ERGIC1: variants seen among roughly 807,000 people sequenced by gnomAD.
ERGIC1 encodes endoplasmic reticulum-golgi intermediate compartment 1.
A neutral mutation model predicts 38.3 loss-of-function variants in ERGIC1; 19 were observed. The observed-to-expected ratio is 0.50, with a 90% CI of 0.35 to 0.73. The LOEUF (loss-of-function observed/expected upper bound fraction) is 0.73, where lower values mean the gene tolerates loss of function less well. ERGIC1 is among the 30% of genes least tolerant of loss of function. ERGIC1 has a pLI of 0.01. For missense variants in ERGIC1, 294 were observed against 389.2 expected, an observed-to-expected ratio of 0.76 and a Z score of 2.06; for synonymous variants, 124 against 157.6, an observed-to-expected ratio of 0.79 and a Z score of 1.60.
chr5:172,856,795 C>T (rs1192937144), intron 1 of ERGIC1, among the ~76,000 whole-genome samples: 1 of 152,198 alleles, frequency 6.6e-6, no homozygotes, highest in Admixed American at 6.5e-5. Flanking sequence ...GGAAGACAGA[C>T]TGTGGAGACC....
At chr5:172,942,312 T>G (rs947434969) in intron 9 of ERGIC1, among the ~76,000 whole-genome samples, 12 of 152,092 alleles carry the variant, frequency 7.9e-5, no homozygotes, top group Non-Finnish European at 1.2e-4. Context: ...GGCCCTGGGG[T>G]GGCAGGAGAG....
intron 1 of ERGIC1, among the ~76,000 whole-genome samples, chr5:172,864,618 G>A (rs868802189): frequency 6.6e-6 from 1 of 151,698 alleles, no homozygotes; most frequent in South Asian, 2.1e-4. Flanking sequence ...TATAGGGGCT[G>A]TCTTTTTTTT....
chr5:172,923,731 C>T (rs951589166), intron 5 of ERGIC1, among the ~76,000 whole-genome samples: 6 of 152,180 alleles, frequency 3.9e-5, no homozygotes, highest in Admixed American at 1.3e-4. Context: ...GCTTTGTGCC[C>T]GTCGCCCAGA....
chr5:172,838,768 C>A (rs1761090262), intron 1 of ERGIC1, among the ~76,000 whole-genome samples: 1 of 152,084 alleles, frequency 6.6e-6, no homozygotes, highest in African/African-American at 2.4e-5. Flanking sequence ...GGGAATGGGA[C>A]CCTGGTAGCC....
In ERGIC1 at chr5:172,914,856, C is replaced by T. The variant is rs1347770216; in HGVS notation, c.375+18C>T. ...TCAACAAGGTATGGAAGCCCTGCCT[C>T]AGCCCTTTCTACCTGCTCCCCTTTC... On this transcript the variant is annotated intron_variant, in intron 5 of 9. Coordinates refer to ENST00000393784, the MANE Select transcript of ERGIC1 (RefSeq NM_001031711.3). The T allele has an allele frequency of 1.9e-6, 3 of 1,614,068 alleles. No homozygotes were observed. In the South Asian group the frequency reaches 3.3e-5, roughly 18 times the overall value.
intron 1 of ERGIC1, among the ~76,000 whole-genome samples, chr5:172,847,983 G>A (rs1346609123): frequency 1.3e-5 from 2 of 152,238 alleles, no homozygotes; most frequent in South Asian, 2.1e-4. Flanking sequence ...AGCATCTGGT[G>A]CCTGGTGAAG....
At chr5:172,845,412 G>A (rs1398415594) in intron 1 of ERGIC1, among the ~76,000 whole-genome samples, 2 of 152,178 alleles carry the variant, frequency 1.3e-5, no homozygotes, top group African/African-American at 4.8e-5. Context: ...CAGCGGGCAG[G>A]GCTGGTCCTC....
At chr5:172,908,352 G>GGA (rs1491131088) in intron 3 of ERGIC1, among the ~76,000 whole-genome samples, 1 of 83,868 alleles carries the variant, frequency 1.2e-5, no homozygotes, top group Non-Finnish European at 2.4e-5. Flanking sequence ...GAGGGGGGGG[G>GGA]TGGATCATGA....
Position 172,888,993 on chromosome 5 carries a change from G to A in ERGIC1, c.82+233G>A, listed in dbSNP as rs113439518. Among the ~76,000 whole-genome samples the A allele has an allele frequency of 7.3e-3, 1,111 of 152,298 alleles. 10 individuals carry two copies. Among genetic ancestry groups the A allele is most frequent in the African/African-American group, 0.025 (1,026 of 41,564 alleles). ...AAGGACATGAAAGAAATTGTCAAGA[G>A]TAGCTGCCAGGCTGGGCGCGGTGGC... is the stretch of plus-strand genomic sequence containing the variant. On this transcript the variant is annotated intron_variant, in intron 2 of 9. Transcript: ENST00000393784.
intron 1 of ERGIC1, among the ~76,000 whole-genome samples, chr5:172,835,605 T>TC (rs1217408769): frequency 6.6e-6 from 1 of 152,136 alleles, no homozygotes; most frequent in Non-Finnish European, 1.5e-5. Context: ...AGGTATTTCT[T>TC]CCCCTCTTCT....
chr5:172,840,158 C>T (rs1761125843), intron 1 of ERGIC1, among the ~76,000 whole-genome samples: 1 of 105,532 alleles, frequency 9.5e-6, no homozygotes, highest in South Asian at 3.3e-4. Context: ...TTTTCCCACG[C>T]TGACCAGTGG....
In ERGIC1 at chr5:172,881,350, A is replaced by G. The variant is rs1581537232; in HGVS notation, c.21-7349A>G. ...TCACCGCCCAGCTTCACCACTGCCCATCTTATCTTAGTCTCATGTTTAAGG... is the reference window on the plus strand; with the variant it reads ...TCACCGCCCAGCTTCACCACTGCCCGTCTTATCTTAGTCTCATGTTTAAGG... On this transcript the variant is annotated intron_variant, in intron 1 of 9. Transcript: ENST00000393784. 2.0e-5 allele frequency among the ~76,000 whole-genome samples: 3 copies of G among 152,242 alleles called. No individual in the cohort carries two copies. In the South Asian group the frequency reaches 6.2e-4, roughly 32 times the overall value.
At chr5:172,904,499 C>G (rs1436957575) in intron 3 of ERGIC1, among the ~76,000 whole-genome samples, 1 of 152,246 alleles carries the variant, frequency 6.6e-6, no homozygotes, top group Admixed American at 6.5e-5. Flanking sequence ...GAGCCCACAC[C>G]GGTCTGCCAC....
chr5:172,836,884 A>G (rs1019870178), intron 1 of ERGIC1, among the ~76,000 whole-genome samples: 4 of 152,190 alleles, frequency 2.6e-5, no homozygotes, highest in African/African-American at 9.7e-5. Flanking sequence ...TTCATTTTAA[A>G]TCAAAGGAGA....
intron 5 of ERGIC1, chr5:172,917,276 A>C (rs1287570740): frequency 6.6e-6 from 1 of 152,322 alleles, no homozygotes; most frequent in Non-Finnish European, 1.5e-5. Context: ...TGGGGTTCCC[A>C]TTAGGTGTCT....
rs138258139 is a variant in ERGIC1, at chr5:172,879,495, T to C, written c.21-9204T>C. On this transcript the variant is annotated intron_variant, in intron 1 of 9. Coordinates refer to ENST00000393784, the MANE Select transcript of ERGIC1 (RefSeq NM_001031711.3). ...TTTTTGATTAACATAGTGACACTTGTACTTACCACGCCCTTACAGTAAGTC... is the reference window on the plus strand; with the variant it reads ...TTTTTGATTAACATAGTGACACTTGCACTTACCACGCCCTTACAGTAAGTC... Among the ~76,000 whole-genome samples, 527 of 152,374 alleles carry C rather than the reference T, an allele frequency of 3.5e-3. 10 individuals carry two copies. The highest frequency in any genetic ancestry group is 0.029 in the South Asian group (139 of 4,830).
chr5:172,949,900 T>C (rs572041), intron 9 of ERGIC1, among the ~76,000 whole-genome samples: 95,662 of 151,940 alleles, frequency 0.63, 31,622 homozygotes, highest in East Asian at 0.83. Flanking sequence ...ACCCCCACCC[T>C]GTCTCTACTA....
chr5:172,897,111 T>C, intron 3 of ERGIC1, 37 bp downstream of exon 3: 2 of 1,599,706 alleles, frequency 1.3e-6, no homozygotes, highest in South Asian at 2.2e-5. Flanking sequence ...TTCCAGGATG[T>C]TCTGGGACCC....
intron 1 of ERGIC1, among the ~76,000 whole-genome samples, chr5:172,874,617 T>C (rs540729114): frequency 6.6e-6 from 1 of 152,104 alleles, no homozygotes; most frequent in East Asian, 1.9e-4. Context: ...GGGAGTGATT[T>C]TAAGTGCTGA....
Sources: gnomAD v4.1 joint callset for allele counts (sites outside exome capture counted in the v4.1 genomes callset) on GRCh38, gnomAD v4.1.1 for gene constraint, MANE v1.5 for transcripts, NCBI Gene and HGNC (gene_info 2026-07-23, HGNC 2026-07-21) for gene names.